JPH1: variants seen among roughly 807,000 people sequenced by gnomAD.
JPH1 encodes the protein junctophilin 1.
JPH1 carries 12 observed loss-of-function variants against 53.6 expected under a neutral mutation model. The observed-to-expected ratio is 0.22, with a 90% CI of 0.14 to 0.36. The LOEUF is 0.36. Among genes scored for constraint, JPH1 ranks in the 10% least tolerant of loss-of-function variants. The pLI is 1.00. For synonymous variants in JPH1, 375 were observed against 363.8 expected, an observed-to-expected ratio of 1.03 and a Z score of -0.35; for missense variants, 808 against 905.5, an observed-to-expected ratio of 0.89 and a Z score of 1.38.
Position 74,314,988 on chromosome 8 carries a change from G to A in JPH1, c.1012C>T (p.Arg338Cys). The change falls in exon 2 of 6, where the codon CGT becomes TGT. Residue 338 changes from arginine (R) to cysteine (C), a missense_variant. By Grantham distance (180) the Arg-to-Cys change is radical. Coordinates refer to ENST00000342232, the MANE Select transcript of JPH1 (RefSeq NM_020647.4). ...EGKYKNNILV[R>C]GIRKQLIPIR... is the part of the protein sequence containing the mutation. ...GGTATAAGCTGCTTCCTTATCCCAC[G>A]GACCAGAATATTATTTTTGTATTTT... 6.2e-7 allele frequency: 1 copy of A among 1,614,132 alleles called. No homozygotes were observed. The highest frequency in any genetic ancestry group is 8.5e-7 in the Non-Finnish European group (1 of 1,180,020).
At chr8:74,268,932 T>C (rs895546788) in intron 2 of JPH1, among the ~76,000 whole-genome samples, 6 of 152,216 alleles carry the variant, frequency 3.9e-5, no homozygotes, top group African/African-American at 1.4e-4. Context: ...AAATGCACAC[T>C]GTGGTGCTCA....
chr8:74,290,782 G>T (rs887794812), intron 2 of JPH1, among the ~76,000 whole-genome samples: 2 of 152,196 alleles, frequency 1.3e-5, no homozygotes, highest in South Asian at 2.1e-4. Flanking sequence ...CCAAAACAGA[G>T]ATATAGACCA....
intron 2 of JPH1, among the ~76,000 whole-genome samples, chr8:74,313,120 G>T (rs1808044229): frequency 6.6e-6 from 1 of 152,138 alleles, no homozygotes. Flanking sequence ...TTCTGCACAG[G>T]TTCATTTTTC....
intron 2 of JPH1, among the ~76,000 whole-genome samples, chr8:74,299,231 A>G (rs1441095060): frequency 1.3e-5 from 2 of 151,992 alleles, no homozygotes; most frequent in African/African-American, 4.8e-5. Flanking sequence ...AGACACACTA[A>G]TCATACCGGG....
chr8:74,242,841 G>T (rs1230813157), intron 4 of JPH1, among the ~76,000 whole-genome samples: 1 of 152,224 alleles, frequency 6.6e-6, no homozygotes, highest in Non-Finnish European at 1.5e-5. Flanking sequence ...CTAACTCCAA[G>T]AATCTGAGAA....
At chr8:74,257,657 T>C (rs1024889050) in intron 3 of JPH1, among the ~76,000 whole-genome samples, 8 of 152,186 alleles carry the variant, frequency 5.3e-5, no homozygotes, top group African/African-American at 1.9e-4. Flanking sequence ...CAGGGAAGTA[T>C]GAGTTCATTT....
At chr8:74,306,604 CTTT>C (rs5892449) in intron 2 of JPH1, among the ~76,000 whole-genome samples, 1 of 147,372 alleles carries the variant, frequency 6.8e-6, no homozygotes, top group African/African-American at 2.5e-5. Context: ...TCTACACTAA[CTTT>C]TTTTTTTTTT....
chr8:74,268,285 C>T (rs1240318552), intron 2 of JPH1, among the ~76,000 whole-genome samples: 3 of 152,064 alleles, frequency 2.0e-5, no homozygotes, highest in Non-Finnish European at 4.4e-5. Context: ...GAAGTTCTAA[C>T]GAATGGAAGA....
chr8:74,282,548 A>C (rs961020449), intron 2 of JPH1, among the ~76,000 whole-genome samples: 13 of 152,242 alleles, frequency 8.5e-5, no homozygotes, highest in Admixed American at 8.5e-4. Context: ...ATTTGAAAAT[A>C]AGCCAAGCAC....
At chr8:74,253,520 GA>G (rs1806128544) in intron 3 of JPH1, among the ~76,000 whole-genome samples, 1 of 152,082 alleles carries the variant, frequency 6.6e-6, no homozygotes, top group African/African-American at 2.4e-5. Context: ...AAAGCTAGCA[GA>G]AGGCAAGAAA....
chr8:74,306,750 C>T (rs768236272), intron 2 of JPH1, among the ~76,000 whole-genome samples: 34 of 152,140 alleles, frequency 2.2e-4, no homozygotes, highest in East Asian at 5.8e-4. Context: ...GTGCCCGCCA[C>T]GATGCCTGGC....
intron 2 of JPH1, among the ~76,000 whole-genome samples, chr8:74,303,800 C>T (rs1340902595): frequency 6.6e-6 from 1 of 152,088 alleles, no homozygotes. Flanking sequence ...GTCCCCATTC[C>T]CTATACCACC....
At chr8:74,272,272 C>T (rs916725796) in intron 2 of JPH1, among the ~76,000 whole-genome samples, 1 of 152,214 alleles carries the variant, frequency 6.6e-6, no homozygotes, top group Non-Finnish European at 1.5e-5. Context: ...AATGCTTTTA[C>T]ATTATTTGCT....
At chr8:74,255,908 A>T in intron 3 of JPH1, among the ~76,000 whole-genome samples, 1 of 152,180 alleles carries the variant, frequency 6.6e-6, no homozygotes, top group East Asian at 1.9e-4. Context: ...GCTGGAGAGG[A>T]TGTGGAGAAA....
At chr8:74,256,314 T>TTC (rs970478185) in intron 3 of JPH1, among the ~76,000 whole-genome samples, 1 of 151,630 alleles carries the variant, frequency 6.6e-6, no homozygotes, top group African/African-American at 2.4e-5. Flanking sequence ...ACACCGCATG[T>TTC]TCTCACTCAT....
intron 2 of JPH1, among the ~76,000 whole-genome samples, chr8:74,272,515 AACGGCTCAAAG>A (rs528209530): frequency 1.6e-4 from 24 of 152,164 alleles, no homozygotes; most frequent in African/African-American, 5.3e-4. Flanking sequence ...TCATAGTAAC[AACGGCTCAAAG>A]CATGATCTTG....
At chr8:74,246,822 T>C (rs1805875248) in intron 3 of JPH1, among the ~76,000 whole-genome samples, 1 of 152,198 alleles carries the variant, frequency 6.6e-6, no homozygotes, top group Admixed American at 6.5e-5. Context: ...CATGGACAAT[T>C]GAGACTTCCT....
rs201993821 is a variant in JPH1, at chr8:74,315,055, T to C, written c.945A>G (p.Gly315=). ...EGEWANNKRH[G]YGCTVFPDGS... Reference sequence around the variant, plus strand: ...CGTCAGGAAACACGGTACAGCCATATCCATGCCTCTTGTTATTTGCCCACT... The same window carrying C: ...CGTCAGGAAACACGGTACAGCCATACCCATGCCTCTTGTTATTTGCCCACT... The change falls in exon 2 of 6, where the codon GGA becomes GGG. Residue 315 remains glycine (G), a synonymous_variant. Transcript: ENST00000342232. The surrounding 1 kb of genome is among the most constrained non-coding windows in gnomAD (Gnocchi z 6.3). 6.2e-7 allele frequency: 1 copy of C among 1,614,240 alleles called. No homozygotes were observed. Among genetic ancestry groups the C allele is most frequent in the Non-Finnish European group, 8.5e-7 (1 of 1,180,042 alleles).
At chr8:74,272,770 AT>A (rs1276166720) in intron 2 of JPH1, among the ~76,000 whole-genome samples, 6 of 151,078 alleles carry the variant, frequency 4.0e-5, no homozygotes, top group Admixed American at 6.6e-5. Flanking sequence ...TGCCCGGCTA[AT>A]TTTTTTTTAT....
Sources: gnomAD v4.1 joint callset for allele counts (sites outside exome capture counted in the v4.1 genomes callset) on GRCh38, gnomAD v4.1.1 for gene constraint, Gnocchi (gnomAD v3.1) non-coding constraint, MANE v1.5 for transcripts, NCBI Gene and HGNC (gene_info 2026-07-23, HGNC 2026-07-21) for gene names.